The following NBAS variants were observed in gnomAD, a reference collection of about 807,000 sequenced individuals.
NBAS encodes the protein NAG/BC035112 fusion.
In NBAS, 219 loss-of-function variants were observed where a neutral mutation model predicts 302.5. The observed-to-expected ratio is 0.72, with a 90% CI of 0.65 to 0.81. The LOEUF (loss-of-function observed/expected upper bound fraction) is 0.81. NBAS is among the 30% of genes least tolerant of loss of function. The pLI is 0.00. For missense variants in NBAS, 2,932 were observed against 2,841.6 expected, an observed-to-expected ratio of 1.03 and a Z score of -0.72; for synonymous variants, 1,118 against 1,021.6, an observed-to-expected ratio of 1.09 and a Z score of -1.80.
chr2:15,500,793 G>A lies in NBAS; in HGVS notation c.954+3352C>T, dbSNP rs537805508. Among the ~76,000 whole-genome samples the A allele has an allele frequency of 2.0e-5, 3 of 151,824 alleles. No individual in the cohort carries two copies. In the South Asian group the frequency reaches 6.3e-4, roughly 32 times the overall value. ...CAAAAAATCAGCCGGGCGTGGGGGC[G>A]GGTACCTGTAGTCCCAGCTACTCAG... On this transcript the variant is annotated intron_variant, in intron 11 of 51. Transcript: ENST00000281513.
chr2:15,454,966 G>A (rs535453614), intron 21 of NBAS, among the ~76,000 whole-genome samples: 124 of 150,688 alleles, frequency 8.2e-4, no homozygotes, highest in Non-Finnish European at 1.6e-3. Flanking sequence ...GCAGTGGCAC[G>A]ATCTAGGCTC....
chr2:15,191,146 T>G (rs774787378), intron 48 of NBAS, among the ~76,000 whole-genome samples: 10 of 152,170 alleles, frequency 6.6e-5, no homozygotes, highest in Non-Finnish European at 1.2e-4. Flanking sequence ...AGCCTCAGCA[T>G]AGATTGTTTA....
intron 44 of NBAS, among the ~76,000 whole-genome samples, chr2:15,246,036 T>C (rs1296586991): frequency 1.3e-5 from 2 of 152,234 alleles, no homozygotes; most frequent in African/African-American, 4.8e-5. Context: ...GTAAGTTATA[T>C]GTGGCCTGGA....
At chr2:15,550,288 C>T (rs7567750) in intron 6 of NBAS, among the ~76,000 whole-genome samples, 97,014 of 152,062 alleles carry the variant, frequency 0.64, 31,680 homozygotes, top group Non-Finnish European at 0.68. Flanking sequence ...ATGTCAAATA[C>T]ATATTTTATC....
the NBAS span, among the ~76,000 whole-genome samples, chr2:15,019,114 C>A: frequency 2.0e-4 from 30 of 152,302 alleles, no homozygotes; most frequent in African/African-American, 6.0e-4. Flanking sequence ...TAATTCCTTT[C>A]AAGGGACATG....
chr2:15,226,444 T>C lies in NBAS; in HGVS notation c.6236+5978A>G, dbSNP rs548713432. Among the ~76,000 whole-genome samples, 46 of 152,316 alleles carry C rather than the reference T, an allele frequency of 3.0e-4. No individual in the cohort carries two copies. The South Asian group carries it at 8.5e-3, about 28-fold the overall frequency. ...ACAAATTCTTAACACGAACTAGAAA[T>C]TGATATTTTCTTCTTGAAATATGAT... On this transcript the variant is annotated intron_variant, in intron 47 of 51. Transcript: ENST00000281513.
intron 21 of NBAS, among the ~76,000 whole-genome samples, chr2:15,435,372 T>C (rs1385495304): frequency 6.6e-6 from 1 of 152,224 alleles, no homozygotes; most frequent in African/African-American, 2.4e-5. Context: ...TTTCACACAC[T>C]ATTTATATAA....
chr2:15,516,256 G>C (rs7571429), intron 9 of NBAS, among the ~76,000 whole-genome samples: 6,377 of 152,122 alleles, frequency 0.042, 428 homozygotes, highest in African/African-American at 0.14. Flanking sequence ...CTGATTTAAT[G>C]AAACTAGAAA....
At position 15,443,035 on chromosome 2, in the gene NBAS, C is replaced by T. The variant is rs1235298327; in HGVS notation, c.2340-15241G>A. Among the ~76,000 whole-genome samples the T allele has an allele frequency of 6.6e-5, 10 of 151,436 alleles. No homozygotes were observed. The East Asian group carries it at 1.6e-3, about 23-fold the overall frequency. ...AATAGCTTACCAACCAAAAAGAGTC[C>T]AGGACCAGATGGATTCACAGCCGAA... is the stretch of plus-strand genomic sequence containing the variant. On this transcript the variant is annotated intron_variant, in intron 21 of 51. Coordinates refer to ENST00000281513, the MANE Select transcript of NBAS (RefSeq NM_015909.4).
intron 8 of NBAS, among the ~76,000 whole-genome samples, chr2:15,535,895 C>G (rs557598489): frequency 1.3e-5 from 2 of 152,114 alleles, no homozygotes; most frequent in African/African-American, 4.8e-5. Flanking sequence ...ATTTTAAACA[C>G]TAGTTGTTCT....
chr2:15,245,723 G>C (rs1056746104), intron 44 of NBAS, among the ~76,000 whole-genome samples: 1 of 152,124 alleles, frequency 6.6e-6, no homozygotes, highest in Non-Finnish European at 1.5e-5. Flanking sequence ...GAGGAAGCAC[G>C]TAAGTAGGAG....
At position 15,492,603 on chromosome 2, in the gene NBAS, T is replaced by C. The variant is rs941241686; in HGVS notation, c.955-3581A>G. ...TCCTGAGTAGCCAGGACTACAGGCA[T>C]GCACCACCATGCCTGGCTAACTTTT... is the stretch of plus-strand genomic sequence containing the variant. On this transcript the variant is annotated intron_variant, in intron 11 of 51. Transcript: ENST00000281513. 3.3e-5 allele frequency among the ~76,000 whole-genome samples: 5 copies of C among 152,098 alleles called. 1 individual carries two copies. Among genetic ancestry groups the C allele is most frequent in the Admixed American group, 2.6e-4 (4 of 15,276 alleles).
intron 11 of NBAS, among the ~76,000 whole-genome samples, chr2:15,497,663 G>A (rs1016444447): frequency 6.6e-6 from 1 of 152,172 alleles, no homozygotes; most frequent in African/African-American, 2.4e-5. Context: ...ATACAAATCT[G>A]AAGTGCAGAG....
intron 29 of NBAS, among the ~76,000 whole-genome samples, chr2:15,382,122 A>G (rs1675066943): frequency 6.6e-6 from 1 of 152,024 alleles, no homozygotes; most frequent in African/African-American, 2.4e-5. Context: ...ATATTGGTAA[A>G]CTGCCTTTGA....
chr2:15,413,376 G>C (rs114648434), intron 25 of NBAS, among the ~76,000 whole-genome samples: 3 of 152,114 alleles, frequency 2.0e-5, no homozygotes, highest in Non-Finnish European at 2.9e-5. Flanking sequence ...AAGCAAAGGG[G>C]GAGAGAGAGA....
At chr2:15,489,061 G>A in intron 11 of NBAS, 39 bp from the exon 12 acceptor site, 1 of 1,606,416 alleles carries the variant, frequency 6.2e-7, no homozygotes, top group Non-Finnish European at 8.5e-7. Flanking sequence ...AGGACTTATG[G>A]TCAAATGTAA....
rs369384199 is a variant in NBAS, at chr2:15,374,684, G to T, written c.3627C>A (p.Ala1209=). ...GGATAAGATCTAGCTCCTCTTGAATGGCAGGGGGTCTGTCTGTTATCAGTT... is the reference window on the plus strand; with the variant it reads ...GGATAAGATCTAGCTCCTCTTGAATTGCAGGGGGTCTGTCTGTTATCAGTT... ...CLQLITDRPP[A]IQEELDLIQA... Residue 1209 remains alanine, a synonymous_variant, in exon 31 of 52, where the codon GCC becomes GCA. Coordinates refer to ENST00000281513, the MANE Select transcript of NBAS (RefSeq NM_015909.4). 1.2e-6 allele frequency: 2 copies of T among 1,613,906 alleles called. No homozygotes were observed. The highest frequency in any genetic ancestry group is 1.7e-6 in the Non-Finnish European group (2 of 1,179,858).
the NBAS span, among the ~76,000 whole-genome samples, chr2:14,887,454 T>C: frequency 4.0e-5 from 6 of 149,156 alleles, no homozygotes; most frequent in Non-Finnish European, 8.9e-5. Flanking sequence ...CTGAAGACAG[T>C]GTGTGAGGAG....
At chr2:14,914,637 G>A in the NBAS span, among the ~76,000 whole-genome samples, 3 of 152,144 alleles carry the variant, frequency 2.0e-5, no homozygotes, top group Non-Finnish European at 2.9e-5. Context: ...GATTTTATGA[G>A]ATGTCAAGAA....
Sources: allele counts gnomAD v4.1 joint callset (sites outside exome capture counted in the v4.1 genomes callset), GRCh38; gene constraint gnomAD v4.1.1; transcripts MANE v1.5; gene names NCBI Gene and HGNC (gene_info 2026-07-23, HGNC 2026-07-21).